Variants in MARCHF10 observed in about 807,000 individuals in gnomAD.
MARCHF10 encodes the protein membrane associated ring-CH-type finger 10, also known as probable E3 ubiquitin-protein ligase MARCHF10.
In MARCHF10, 64 loss-of-function variants were observed where a neutral mutation model predicts 76.2. That is an observed-to-expected ratio of 0.84 (90% CI 0.69 to 1.03). MARCHF10 has a LOEUF of 1.03. MARCHF10 is among the 50% of genes least tolerant of loss of function. The pLI is 0.00. For missense variants in MARCHF10, 875 were observed against 958.0 expected, an observed-to-expected ratio of 0.91 and a Z score of 1.14; for synonymous variants, 340 against 357.5, an observed-to-expected ratio of 0.95 and a Z score of 0.55.
At chr17:62,771,609 C>T (rs1280612945) in intron 3 of MARCHF10, among the ~76,000 whole-genome samples, 1 of 145,616 alleles carries the variant, frequency 6.9e-6, no homozygotes, top group Non-Finnish European at 1.5e-5. Flanking sequence ...CAGAGTCTCA[C>T]TCTGTTGCCC....
chr17:62,725,191 G>A (rs2090696091), intron 6 of MARCHF10, 87 bp from the exon 7 acceptor site: 2 of 1,278,462 alleles, frequency 1.6e-6, no homozygotes, highest in Non-Finnish European at 2.1e-6. Context: ...TGACAGAGAA[G>A]GAAGAGGGCT....
rs977636858 is a variant in MARCHF10, at chr17:62,701,860, T to C, written c.2372-102A>G. 10 of 1,491,522 alleles carry C rather than the reference T, an allele frequency of 6.7e-6. No homozygotes were observed. The African/African-American group carries it at 1.2e-4, about 19-fold the overall frequency. 92.4% of individuals were successfully genotyped at this position (1,491,522 alleles called of 1,614,324 possible). On this transcript the variant is annotated intron_variant, in intron 10 of 10. Transcript: ENST00000311269. Reference sequence around the variant, plus strand: ...GCTTCATCTTCTCCCACCCCATCCCTGAGGCCCAGCCACCCACATGGCCAC... The same window carrying C: ...GCTTCATCTTCTCCCACCCCATCCCCGAGGCCCAGCCACCCACATGGCCAC...
chr17:62,741,309 T>C (rs1403178990), intron 5 of MARCHF10, among the ~76,000 whole-genome samples: 1 of 152,222 alleles, frequency 6.6e-6, no homozygotes, highest in Non-Finnish European at 1.5e-5. Context: ...CATTTTTGAC[T>C]ATATATTTTC....
At chr17:62,803,159 C>A (rs560195842) in intron 1 of MARCHF10, among the ~76,000 whole-genome samples, 1 of 152,112 alleles carries the variant, frequency 6.6e-6, no homozygotes, top group Admixed American at 6.5e-5. Context: ...TATTGTGATG[C>A]ATGCCTATAG....
intron 8 of MARCHF10, among the ~76,000 whole-genome samples, chr17:62,716,781 C>T (rs1482939776): frequency 6.6e-6 from 1 of 152,098 alleles, no homozygotes; most frequent in East Asian, 1.9e-4. Context: ...CCAGGCTAAG[C>T]TGAAGCCCGT....
chr17:62,734,323 A>T (rs565254569), intron 6 of MARCHF10, among the ~76,000 whole-genome samples: 8 of 152,244 alleles, frequency 5.3e-5, no homozygotes, highest in African/African-American at 1.2e-4. Flanking sequence ...GAAGGTGGGA[A>T]GATGAGAAGA....
At chr17:62,780,303 A>G (rs937204581) in intron 3 of MARCHF10, among the ~76,000 whole-genome samples, 4 of 152,236 alleles carry the variant, frequency 2.6e-5, no homozygotes, top group Admixed American at 1.3e-4. Context: ...GCTCTCATGC[A>G]TGGCTGGACA....
At chr17:62,741,470 A>G (rs1413043271) in intron 5 of MARCHF10, among the ~76,000 whole-genome samples, 1 of 152,210 alleles carries the variant, frequency 6.6e-6, no homozygotes, top group Non-Finnish European at 1.5e-5. Context: ...AACTGTCACC[A>G]GCAATCCATG....
intron 4 of MARCHF10, chr17:62,749,974 T>C (rs1478992295): frequency 2.0e-5 from 3 of 152,288 alleles, no homozygotes; most frequent in Non-Finnish European, 4.4e-5. Flanking sequence ...ATCAAATGAG[T>C]CTCCAGAGAG....
At chr17:62,708,096 T>G (rs1401759742) in intron 9 of MARCHF10, among the ~76,000 whole-genome samples, 1 of 152,126 alleles carries the variant, frequency 6.6e-6, no homozygotes, top group East Asian at 1.9e-4. Context: ...AGACCCTGTC[T>G]CAAAAAGAGA....
intron 2 of MARCHF10, among the ~76,000 whole-genome samples, chr17:62,800,367 T>C (rs1256600120): frequency 6.6e-6 from 1 of 152,168 alleles, no homozygotes; most frequent in African/African-American, 2.4e-5. Flanking sequence ...AGAGGCATCT[T>C]TGTGAAAAGC....
chr17:62,762,992 T>C (rs186160637), intron 3 of MARCHF10, among the ~76,000 whole-genome samples: 3 of 152,120 alleles, frequency 2.0e-5, no homozygotes, highest in Admixed American at 2.0e-4. Flanking sequence ...CTCTTGCACA[T>C]AGTAATTGTG....
chr17:62,732,250 C>T (rs991362007), intron 6 of MARCHF10, among the ~76,000 whole-genome samples: 6 of 152,040 alleles, frequency 3.9e-5, no homozygotes, highest in Non-Finnish European at 8.8e-5. Flanking sequence ...AATAAAAATC[C>T]CAACAAGTGG....
intron 6 of MARCHF10, among the ~76,000 whole-genome samples, chr17:62,730,444 T>C (rs2090975801): frequency 6.6e-6 from 1 of 152,222 alleles, no homozygotes; most frequent in Admixed American, 6.5e-5. Flanking sequence ...ATATATTCCA[T>C]ATGAATTTAA....
intron 2 of MARCHF10, among the ~76,000 whole-genome samples, chr17:62,789,083 A>G (rs200534682): frequency 6.7e-6 from 1 of 150,306 alleles, no homozygotes; most frequent in Admixed American, 6.6e-5. Context: ...AAAAAAAAAA[A>G]AAAAAAAAAA....
At chr17:62,752,908 CAG>C (rs1269743638) in intron 4 of MARCHF10, among the ~76,000 whole-genome samples, 2 of 152,178 alleles carry the variant, frequency 1.3e-5, no homozygotes, top group East Asian at 3.9e-4. Flanking sequence ...ATGCTGCAGT[CAG>C]AGTCAGCTTT....
rs1555719591 is a variant in MARCHF10, at chr17:62,795,382, A to AAAAAAAAAAG, written c.90+6263_90+6264insCTTTTTTTTT. On this transcript the variant is annotated intron_variant, in intron 2 of 10. Transcript: ENST00000311269. ...AAAAAAAAAAAAAAAAAAAAAAAAAAAAGAAGCTAGGCAGCATGAAAATCC... is the reference window on the plus strand; with the variant it reads ...AAAAAAAAAAAAAAAAAAAAAAAAAAAAAAAAAAAGAAGAAGCTAGGCAGCATGAAAATCC... 1.4e-4 allele frequency among the ~76,000 whole-genome samples: 16 copies of AAAAAAAAAAG among 112,006 alleles called. 3 individuals are homozygous for AAAAAAAAAAG. The highest frequency in any genetic ancestry group is 2.7e-4 in the South Asian group (1 of 3,724). 73.5% of individuals were successfully genotyped at this position (112,006 alleles called of 152,430 possible).
Position 62,751,306 on chromosome 17 carries a change from G to A in MARCHF10, c.383-6778C>T, listed in dbSNP as rs1159112634. 3.3e-5 allele frequency among the ~76,000 whole-genome samples: 5 copies of A among 152,234 alleles called. No individual in the cohort carries two copies. The East Asian group carries it at 9.7e-4, about 29-fold the overall frequency. ...GAACCTGTTTCCTCACCTGCAAAAC[G>A]AGACGGGTGTTTTTTCTAGCCTTGC... On this transcript the variant is annotated intron_variant, in intron 4 of 10. Coordinates refer to ENST00000311269, the MANE Select transcript of MARCHF10 (RefSeq NM_152598.4).
At chr17:62,805,721 G>A (rs2093152143) in intron 1 of MARCHF10, among the ~76,000 whole-genome samples, 1 of 152,074 alleles carries the variant, frequency 6.6e-6, no homozygotes, top group Non-Finnish European at 1.5e-5. Flanking sequence ...AGATCGGCCT[G>A]GCCAACGTGG....
Sources: allele counts gnomAD v4.1 joint callset (sites outside exome capture counted in the v4.1 genomes callset), GRCh38; gene constraint gnomAD v4.1.1; transcripts MANE v1.5; gene names NCBI Gene and HGNC (gene_info 2026-07-23, HGNC 2026-07-21).